The following ENOX1 variants were observed in gnomAD, a reference collection of about 807,000 sequenced individuals.
The protein encoded by ENOX1 is candidate growth-related and time keeping constitutive hydroquinone (NADH) oxidase.
ENOX1 carries 42 observed loss-of-function variants against 82.5 expected under a neutral mutation model. The observed-to-expected ratio is 0.51, with a 90% CI of 0.40 to 0.66. The LOEUF (loss-of-function observed/expected upper bound fraction) is 0.66, where lower values mean the gene tolerates loss of function less well. ENOX1 is among the 30% of genes least tolerant of loss of function. The probability of loss-of-function intolerance (pLI) is 0.00; values close to 1 mark genes in which losing one functional copy is unlikely to be tolerated. For missense variants in ENOX1, 608 were observed against 811.6 expected (o/e 0.75, Z 3.05); for synonymous variants, 271 against 282.2 (o/e 0.96, Z 0.40).
At chr13:43,533,206 A>C (rs1406994485) in intron 2 of ENOX1, among the ~76,000 whole-genome samples, 3 of 152,120 alleles carry the variant, frequency 2.0e-5, no homozygotes, top group African/African-American at 7.2e-5. Context: ...GCCACAGTTC[A>C]TGGTCATCAT....
chr13:43,691,556 C>T (rs1433577489), intron 1 of ENOX1, among the ~76,000 whole-genome samples: 3 of 152,120 alleles, frequency 2.0e-5, no homozygotes, highest in Non-Finnish European at 4.4e-5. Flanking sequence ...ACACACACAG[C>T]TGCTAGTCCT....
At chr13:43,308,888 T>C (rs552770857) in intron 11 of ENOX1, among the ~76,000 whole-genome samples, 23 of 152,322 alleles carry the variant, frequency 1.5e-4, no homozygotes, top group African/African-American at 5.1e-4. Context: ...CACAGTCTTA[T>C]TGAGGAACTC....
At position 43,338,006 on chromosome 13, in the gene ENOX1, C is replaced by T. The variant is rs142831096; in HGVS notation, c.1036+6532G>A. Among the ~76,000 whole-genome samples the T allele has an allele frequency of 4.1e-3, 622 of 152,340 alleles. 3 individuals are homozygous for T. Among genetic ancestry groups the T allele is most frequent in the South Asian group, 9.3e-3 (45 of 4,822 alleles). On this transcript the variant is annotated intron_variant, in intron 9 of 16. Coordinates refer to ENST00000690772, the MANE Select transcript of ENOX1 (RefSeq NM_001347969.2). ...CTTAAATTAATGTTAATCAACCCTT[C>T]TGCACTGCTGCTGGCTTTCCCATTT...
chr13:43,575,260 C>G (rs2080368920), intron 2 of ENOX1, among the ~76,000 whole-genome samples: 1 of 152,170 alleles, frequency 6.6e-6, no homozygotes. Flanking sequence ...GGAAGCTTGA[C>G]TCCATTTTAC....
intron 12 of ENOX1, among the ~76,000 whole-genome samples, chr13:43,285,380 G>A (rs1185666599): frequency 6.6e-6 from 1 of 152,112 alleles, no homozygotes; most frequent in Non-Finnish European, 1.5e-5. Flanking sequence ...CATTATGAAT[G>A]ATTTTTATTT....
intron 1 of ENOX1, among the ~76,000 whole-genome samples, chr13:43,754,590 GTT>G (rs148856299): frequency 4.4e-4 from 63 of 142,818 alleles, no homozygotes; most frequent in South Asian, 1.1e-3. Flanking sequence ...TTAGCAGCTT[GTT>G]TTTTTTTTTA....
At chr13:43,557,190 A>G (rs1422131209) in intron 2 of ENOX1, among the ~76,000 whole-genome samples, 1 of 152,212 alleles carries the variant, frequency 6.6e-6, no homozygotes, top group Non-Finnish European at 1.5e-5. Flanking sequence ...AGTCAGGAGA[A>G]TTCTGATACC....
At chr13:43,557,437 G>C (rs920444432) in intron 2 of ENOX1, among the ~76,000 whole-genome samples, 1 of 152,140 alleles carries the variant, frequency 6.6e-6, no homozygotes, top group Non-Finnish European at 1.5e-5. Context: ...CTCCTCACAG[G>C]AACAGGGATG....
intron 2 of ENOX1, among the ~76,000 whole-genome samples, chr13:43,656,375 G>A (rs983524927): frequency 6.6e-6 from 1 of 152,044 alleles, no homozygotes; most frequent in Non-Finnish European, 1.5e-5. Context: ...TTAAAATTAA[G>A]ACTTTAAAGA....
intron 14 of ENOX1, among the ~76,000 whole-genome samples, chr13:43,255,556 T>C (rs2043697748): frequency 6.6e-6 from 1 of 152,050 alleles, no homozygotes; most frequent in African/African-American, 2.4e-5. Flanking sequence ...AAAAAACTGG[T>C]AGAACTGATG....
intron 2 of ENOX1, among the ~76,000 whole-genome samples, chr13:43,556,790 C>T (rs1379144482): frequency 6.6e-6 from 1 of 151,274 alleles, no homozygotes; most frequent in East Asian, 1.9e-4. Context: ...AAAATGTTAG[C>T]TAACATTAGA....
At chr13:43,290,653 T>A (rs947443918) in intron 12 of ENOX1, among the ~76,000 whole-genome samples, 1 of 152,118 alleles carries the variant, frequency 6.6e-6, no homozygotes, top group Non-Finnish European at 1.5e-5. Flanking sequence ...ACTACCCAGG[T>A]GATGGGATCT....
At chr13:43,665,807 G>A (rs1253738483) in intron 2 of ENOX1, among the ~76,000 whole-genome samples, 4 of 151,428 alleles carry the variant, frequency 2.6e-5, no homozygotes, top group Non-Finnish European at 5.9e-5. Context: ...AAATGCCAGC[G>A]TAATACCTGC....
At chr13:43,677,664 C>A (rs2085575360) in intron 1 of ENOX1, among the ~76,000 whole-genome samples, 1 of 152,160 alleles carries the variant, frequency 6.6e-6, no homozygotes, top group Non-Finnish European at 1.5e-5. Context: ...CACACTATAA[C>A]TTTCTTTGCA....
chr13:43,431,958 G>A (rs1370764053), intron 3 of ENOX1, among the ~76,000 whole-genome samples: 1 of 152,180 alleles, frequency 6.6e-6, no homozygotes, highest in East Asian at 1.9e-4. Context: ...AATCACCCCG[G>A]AGCCAAGTAT....
intron 11 of ENOX1, among the ~76,000 whole-genome samples, chr13:43,310,510 C>T (rs2047141046): frequency 1.3e-5 from 2 of 152,122 alleles, no homozygotes; most frequent in South Asian, 2.1e-4. Context: ...TTGTTACTAG[C>T]TTTTTATTGA....
intron 5 of ENOX1, among the ~76,000 whole-genome samples, chr13:43,363,272 A>C (rs1266043296): frequency 2.6e-5 from 4 of 152,222 alleles, no homozygotes; most frequent in Non-Finnish European, 5.9e-5. Context: ...CTAACATTCC[A>C]AATCAAACAG....
chr13:43,488,565 T>C (rs1212976592), intron 2 of ENOX1, among the ~76,000 whole-genome samples: 1 of 152,108 alleles, frequency 6.6e-6, no homozygotes, highest in East Asian at 1.9e-4. Context: ...CCTAAAAATG[T>C]AGAAACAGCT....
chr13:43,264,137 A>C (rs2044237385), intron 14 of ENOX1, among the ~76,000 whole-genome samples: 1 of 152,246 alleles, frequency 6.6e-6, no homozygotes, highest in Admixed American at 6.5e-5. Context: ...GCCTTAGCTC[A>C]TTACAATATT....
Sources: gnomAD v4.1 joint callset for allele counts (sites outside exome capture counted in the v4.1 genomes callset) on GRCh38, gnomAD v4.1.1 for gene constraint, MANE v1.5 for transcripts, NCBI Gene and HGNC (gene_info 2026-07-23, HGNC 2026-07-21) for gene names.